Variants in PPARA observed in about 807,000 individuals in gnomAD.
PPARA encodes the protein peroxisome proliferator-activated receptor alpha.
In PPARA, 22 loss-of-function variants were observed where a neutral mutation model predicts 42.2. The observed-to-expected ratio is 0.52, with a 90% CI of 0.37 to 0.74. The LOEUF (loss-of-function observed/expected upper bound fraction) is 0.74, where lower values mean the gene tolerates loss of function less well. Among genes scored for constraint, PPARA ranks in the 30% least tolerant of loss-of-function variants. PPARA has a pLI of 0.00. For synonymous variants in PPARA, 242 were observed against 239.3 expected (o/e 1.01, Z -0.10); for missense variants, 465 against 608.2 (o/e 0.76, Z 2.48).
intron 4 of PPARA, among the ~76,000 whole-genome samples, chr22:46,208,547 C>T (rs1259125829): frequency 1.9e-5 from 2 of 105,662 alleles, no homozygotes; most frequent in African/African-American, 7.7e-5. Context: ...GACTCCATCT[C>T]AAAAAAAAAA....
intron 7 of PPARA, among the ~76,000 whole-genome samples, chr22:46,223,106 C>T (rs1424253636): frequency 1.3e-5 from 2 of 152,110 alleles, no homozygotes; most frequent in Non-Finnish European, 1.5e-5. Flanking sequence ...CAGCGAGCCA[C>T]GATCGCGCCA....
intron 3 of PPARA, among the ~76,000 whole-genome samples, chr22:46,194,422 C>T (rs1931949972): frequency 6.6e-6 from 1 of 152,122 alleles, no homozygotes; most frequent in African/African-American, 2.4e-5. Flanking sequence ...GGTCGATGCT[C>T]CTGGCCAGAA....
At position 46,221,873 on chromosome 22, in the gene PPARA, T is replaced by C. The variant is rs1935034085; in HGVS notation, c.711+1859T>C. ...GGTGGATCACTTGAGGTCAGGAGTT[T>C]GAGACCACCCTGGCCAACATGGTGA... On this transcript the variant is annotated intron_variant, in intron 7 of 8. Transcript: ENST00000407236. This position sits in a 1 kb window ranked among gnomAD's most constrained non-coding sequence, Gnocchi z 5.9. Among the ~76,000 whole-genome samples, 1 of 151,446 alleles carries C rather than the reference T, an allele frequency of 6.6e-6. No individual in the cohort carries two copies. Among genetic ancestry groups the C allele is most frequent in the African/African-American group, 2.4e-5 (1 of 41,166 alleles).
At position 46,150,545 on chromosome 22, in the gene PPARA, G is replaced by T; in HGVS notation, c.-317G>T. On this transcript the variant is annotated 5_prime_UTR_variant, in exon 1 of 9. Transcript: ENST00000407236. This position sits in a 1 kb window ranked among gnomAD's most constrained non-coding sequence, Gnocchi z 7.5. ...TGGGCCGTGGACGCGGCGGCCCCGC[G>T]GCGGGGGCAGCGGGCGGCGGGGGCG... 1 of 145,680 alleles carries T rather than the reference G, an allele frequency of 6.9e-6. No homozygotes were observed. The highest frequency in any genetic ancestry group is 2.0e-4 in the South Asian group (1 of 5,054). 9.0% of individuals were successfully genotyped at this position (145,680 alleles called of 1,614,324 possible).
In PPARA at chr22:46,190,352, T is replaced by C. The variant is rs1172818715; in HGVS notation, c.-42-7990T>C. Among the ~76,000 whole-genome samples, 3 of 152,170 alleles carry C rather than the reference T, an allele frequency of 2.0e-5. No homozygotes were observed. Among genetic ancestry groups the C allele is most frequent in the Admixed American group, 6.5e-5 (1 of 15,270 alleles). On this transcript the variant is annotated intron_variant, in intron 3 of 8. Transcript: ENST00000407236. The surrounding 1 kb of genome is among the most constrained non-coding windows in gnomAD (Gnocchi z 5.6). ...CTGTAGGGTGGCATTATTAAGCATA[T>C]TAAGTGGTTACAATACAGTAAATTA...
At chr22:46,181,588 T>TC (rs1445865121) in intron 3 of PPARA, among the ~76,000 whole-genome samples, 1 of 151,838 alleles carries the variant, frequency 6.6e-6, no homozygotes, top group East Asian at 1.9e-4. Flanking sequence ...AATTAAGTTG[T>TC]CCCCCCCAAA....
chr22:46,153,163 C>CTTTTTTTTTTT (rs996863467), intron 2 of PPARA, among the ~76,000 whole-genome samples: 23 of 109,218 alleles, frequency 2.1e-4, no homozygotes, highest in African/African-American at 4.0e-4. Flanking sequence ...TTCCCACATC[C>CTTTTTTTTTTT]TTTTTTTTTT....
At chr22:46,217,811 A>ATTTC (rs1934623592) in intron 5 of PPARA, among the ~76,000 whole-genome samples, 20 of 89,314 alleles carry the variant, frequency 2.2e-4, no homozygotes, top group African/African-American at 7.3e-4. Context: ...TAGAAGAACT[A>ATTTC]TTTCTTTCTT....
At chr22:46,197,299 C>G (rs1932380674) in intron 3 of PPARA, among the ~76,000 whole-genome samples, 1 of 152,036 alleles carries the variant, frequency 6.6e-6, no homozygotes, top group African/African-American at 2.4e-5. Flanking sequence ...ATCCGCCCGC[C>G]TCGGCCTCCC....
In PPARA at chr22:46,238,733, G is replaced by A. The variant is rs1308639373; in HGVS notation, c.*3353G>A. The A allele has an allele frequency of 6.6e-6, 1 of 152,340 alleles. No individual in the cohort carries two copies. The allele number at this position is 152,340 out of a possible 1,614,324, so 9.4% of individuals were successfully genotyped here. ...GCCTCTCCATTGTCCAGGGGAGCCT[G>A]GCGGCGCATCCCTCCTCTCCCACCT... On this transcript the variant is annotated 3_prime_UTR_variant, in exon 9 of 9. Transcript: ENST00000407236. The surrounding 1 kb of genome is among the most constrained non-coding windows in gnomAD (Gnocchi z 8.3).
At position 46,221,065 on chromosome 22, in the gene PPARA, G is replaced by A. The variant is rs530358344; in HGVS notation, c.711+1051G>A. On this transcript the variant is annotated intron_variant, in intron 7 of 8. Transcript: ENST00000407236. The surrounding 1 kb of genome is among the most constrained non-coding windows in gnomAD (Gnocchi z 5.9). Reference sequence around the variant, plus strand: ...GTTTAATTGGCTCGTGGCCCACAAGGCTGTACAGGAAGCTTCTGCTTCTGG... The same window carrying A: ...GTTTAATTGGCTCGTGGCCCACAAGACTGTACAGGAAGCTTCTGCTTCTGG... Among the ~76,000 whole-genome samples, 2 of 152,022 alleles carry A rather than the reference G, an allele frequency of 1.3e-5. No individual in the cohort carries two copies. The highest frequency in any genetic ancestry group is 1.3e-4 in the Admixed American group (2 of 15,282).
At position 46,211,184 on chromosome 22, in the gene PPARA, C is replaced by A. The variant is rs1933891466; in HGVS notation, c.209-3989C>A. Reference sequence around the variant, plus strand: ...AATCTATCGGTATTTCTGTCTGTGGCCATCTGTAGCTGTATGAAGCCAAAC... The same window carrying A: ...AATCTATCGGTATTTCTGTCTGTGGACATCTGTAGCTGTATGAAGCCAAAC... On this transcript the variant is annotated intron_variant, in intron 4 of 8. Transcript: ENST00000407236. This position sits in a 1 kb window ranked among gnomAD's most constrained non-coding sequence, Gnocchi z 4.1. Among the ~76,000 whole-genome samples, 1 of 152,228 alleles carries A rather than the reference C, an allele frequency of 6.6e-6. No homozygotes were observed.
At chr22:46,174,349 GT>G (rs1928681462) in intron 2 of PPARA, among the ~76,000 whole-genome samples, 1 of 151,150 alleles carries the variant, frequency 6.6e-6, no homozygotes, top group African/African-American at 2.4e-5. Context: ...TCTTTACTCT[GT>G]TTTGGGGGTG....
intron 3 of PPARA, among the ~76,000 whole-genome samples, chr22:46,178,288 A>G (rs1929462857): frequency 6.6e-6 from 1 of 152,218 alleles, no homozygotes; most frequent in Non-Finnish European, 1.5e-5. Context: ...GCCTATAGAA[A>G]TTACAGACTC....
At chr22:46,199,018 C>T (rs964859078) in intron 4 of PPARA, among the ~76,000 whole-genome samples, 5 of 152,132 alleles carry the variant, frequency 3.3e-5, no homozygotes, top group Non-Finnish European at 7.4e-5. Flanking sequence ...AAGCTTCAGA[C>T]GTGGTAAAGC....
intron 4 of PPARA, among the ~76,000 whole-genome samples, chr22:46,210,764 A>G (rs1434659125): frequency 2.0e-5 from 3 of 152,126 alleles, no homozygotes; most frequent in Admixed American, 1.3e-4. Context: ...ATTGGATGTC[A>G]TATGTTGGGA....
rs1936387556 is a variant in PPARA at position 46,242,113 on chromosome 22, T to G, written c.*6733T>G. On this transcript the variant is annotated 3_prime_UTR_variant, in exon 9 of 9. Coordinates refer to ENST00000407236, the MANE Select transcript of PPARA (RefSeq NM_005036.6). This position sits in a 1 kb window ranked among gnomAD's most constrained non-coding sequence, Gnocchi z 6.1. ...CTGCCCACACATCCAGCATCCAAAA[T>G]CCATTCATTTAATGAATTGATAAAG... 1 of 152,064 alleles carries G rather than the reference T, an allele frequency of 6.6e-6. No individual in the cohort carries two copies. The highest frequency in any genetic ancestry group is 6.6e-5 in the Admixed American group (1 of 15,266). 9.4% of individuals were successfully genotyped at this position (152,064 alleles called of 1,614,324 possible). A position where few individuals can be genotyped will look rare whatever the true frequency, so the allele number is the denominator to read the frequency against.
chr22:46,207,991 T>G (rs1202075735), intron 4 of PPARA, among the ~76,000 whole-genome samples: 4 of 152,054 alleles, frequency 2.6e-5, no homozygotes, highest in Admixed American at 6.6e-5. Context: ...ACTGTGCCAG[T>G]CCCCACTGTC....
rs1011312334 is a variant in PPARA at position 46,221,779 on chromosome 22, GA to G, written c.711+1766del. On this transcript the variant is annotated intron_variant, in intron 7 of 8. Transcript: ENST00000407236. The surrounding 1 kb of genome is among the most constrained non-coding windows in gnomAD (Gnocchi z 5.9). ...GTGCCACTGCACTTCCAGCCTGGGC[GA>G]CAAAGCCAGCTGTGTCTGGGCGCGG... is the stretch of plus-strand genomic sequence containing the variant. 6.6e-6 allele frequency among the ~76,000 whole-genome samples: 1 copy of G among 151,536 alleles called. No homozygotes were observed. The highest frequency in any genetic ancestry group is 1.5e-5 in the Non-Finnish European group (1 of 67,910).
Sources: gnomAD v4.1 joint callset for allele counts (sites outside exome capture counted in the v4.1 genomes callset) on GRCh38, gnomAD v4.1.1 for gene constraint, Gnocchi (gnomAD v3.1) non-coding constraint, MANE v1.5 for transcripts, NCBI Gene and HGNC (gene_info 2026-07-23, HGNC 2026-07-21) for gene names.